UBXN6: variants seen among roughly 807,000 people sequenced by gnomAD.
The protein encoded by UBXN6 is UBX domain protein 6, also known as UBX domain-containing protein 6.
In UBXN6, 44 loss-of-function variants were observed where a neutral mutation model predicts 51.4. The ratio of observed to expected loss-of-function variants is 0.86; its 90% CI spans 0.67 to 1.10. The LOEUF is 1.10. Ranked by LOEUF, UBXN6 falls within the 50% of genes least tolerant of loss-of-function variation. The pLI is 0.00. For missense variants in UBXN6, 672 were observed against 596.1 expected (o/e 1.13, Z -1.32); for synonymous variants, 316 against 263.2 (o/e 1.20, Z -1.94).
rs960721436 is a variant in UBXN6, at chr19:4,446,648, C to G, written c.772G>C (p.Glu258Gln). 2 of 1,612,466 alleles carry G rather than the reference C, an allele frequency of 1.2e-6. No homozygotes were observed. Among genetic ancestry groups the G allele is most frequent in the African/African-American group, 2.7e-5 (2 of 75,062 alleles). The change falls in exon 8 of 11, where the codon GAA (glutamate) becomes CAA (glutamine). Residue 258 changes from glutamate (E) to glutamine (Q), a missense_variant. By Grantham distance (29) the Glu-to-Gln change is conservative (BLOSUM62 2). Transcript: ENST00000301281. ...ACGGGCTCCGCAGCCAGCAGCTGTT[C>G]CTTGTGCCTCTCCAGGCTCTGGGGC... is the stretch of plus-strand genomic sequence containing the variant. ...AQPQSLERHK[E>Q]QLLAAEPVRA...
intron 3 of UBXN6, among the ~76,000 whole-genome samples, chr19:4,453,174 T>TA (rs1168196416): frequency 6.6e-6 from 1 of 152,130 alleles, no homozygotes; most frequent in Non-Finnish European, 1.5e-5. Context: ...TCTTTTTGAA[T>TA]AGTGGAAACT....
intron 5 of UBXN6, chr19:4,447,978 C>T (rs949646646): frequency 2.0e-5 from 10 of 501,480 alleles, no homozygotes; most frequent in East Asian, 7.0e-5. Context: ...GGTGCTCCCT[C>T]GGCGTTGGCG....
In UBXN6 at chr19:4,445,426, T is replaced by C; in HGVS notation, c.*72A>G. The C allele has an allele frequency of 1.9e-6, 3 of 1,598,222 alleles. No homozygotes were observed. The highest frequency in any genetic ancestry group is 2.2e-5 in the South Asian group (2 of 89,782). On this transcript the variant is annotated 3_prime_UTR_variant, in exon 11 of 11. Coordinates refer to ENST00000301281, the MANE Select transcript of UBXN6 (RefSeq NM_025241.3). ...ATTTCCAGAGGTGGCTTGGAGGCCC[T>C]GGGGTGGCGGGGAGAGGAACAGGGA...
chr19:4,453,551 G>A, intron 2 of UBXN6, 29 bp from the exon 3 acceptor site: 6 of 1,610,896 alleles, frequency 3.7e-6, no homozygotes. Context: ...AAGAGAGGCA[G>A]AGACGGGATA....
At position 4,453,978 on chromosome 19, in the gene UBXN6, GCTT is replaced by G. The variant is rs775831354; in HGVS notation, c.196_198del (p.Lys66del). ...GATGTGGGGCCCCAGGCCCGGGACT[GCTT>G]CTGCTCCAGCCGGGCTAGGGCGGCA... On this transcript the variant is annotated inframe_deletion, in exon 2 of 11. Coordinates refer to ENST00000301281, the MANE Select transcript of UBXN6 (RefSeq NM_025241.3). The G allele has an allele frequency of 5.0e-6, 8 of 1,611,254 alleles. No individual in the cohort carries two copies. The East Asian group carries it at 8.9e-5, about 18-fold the overall frequency.
In UBXN6 at chr19:4,457,719, G is replaced by T; in HGVS notation, c.-22C>A. 6.7e-7 allele frequency: 1 copy of T among 1,493,822 alleles called. No individual in the cohort carries two copies. The highest frequency in any genetic ancestry group is 8.9e-7 in the Non-Finnish European group (1 of 1,121,932). 92.5% of individuals were successfully genotyped at this position (1,493,822 alleles called of 1,614,324 possible). On this transcript the variant is annotated 5_prime_UTR_variant, in exon 1 of 11. Transcript: ENST00000301281. ...TCATGGTGGCGGCTGGCCCGGCGGCGGGGGGCCGCGGGGGCGGGGGGGCAC... is the reference window on the plus strand; with the variant it reads ...TCATGGTGGCGGCTGGCCCGGCGGCTGGGGGCCGCGGGGGCGGGGGGGCAC...
chr19:4,457,538 G>A, intron 1 of UBXN6, 77 bp downstream of exon 1: 2 of 1,331,510 alleles, frequency 1.5e-6, no homozygotes, highest in South Asian at 1.3e-5. Flanking sequence ...GATCTCCCGA[G>A]CCGCCCAAGG....
Position 4,446,029 on chromosome 19 carries a change from T to C in UBXN6, c.1200+20A>G, listed in dbSNP as rs757115612. The C allele has an allele frequency of 6.3e-7, 1 of 1,598,718 alleles. No individual in the cohort carries two copies. Among genetic ancestry groups the C allele is most frequent in the Non-Finnish European group, 8.5e-7 (1 of 1,172,248 alleles). ...TGCAGAGGCATCGGGTCAGCGGTGC[T>C]CCTGCGGGCCGACACTCACCAGCCC... is the stretch of plus-strand genomic sequence containing the variant. On this transcript the variant is annotated intron_variant, in intron 10 of 10. Transcript: ENST00000301281.
Position 4,446,153 on chromosome 19 carries a change from C to T in UBXN6, c.1096G>A (p.Val366Ile), listed in dbSNP as rs374021818. The change falls in exon 10 of 11, where the codon GTC becomes ATC. Residue 366 changes from valine to isoleucine, a missense_variant. Coordinates refer to ENST00000301281, the MANE Select transcript of UBXN6 (RefSeq NM_025241.3). Reference sequence around the variant, plus strand: ...CAGTCGCTCTGCAGGGCCTCCCGGACGAACCCGTACACCGCCCCCAGCCGC... The same window carrying T: ...CAGTCGCTCTGCAGGGCCTCCCGGATGAACCCGTACACCGCCCCCAGCCGC... ...RERLGAVYGF[V>I]REALQSDWLP... 2.5e-5 allele frequency: 40 copies of T among 1,610,714 alleles called. No homozygotes were observed. The highest frequency in any genetic ancestry group is 3.3e-5 in the Admixed American group (2 of 59,944).
chr19:4,449,147 G>A (rs1974602895), intron 4 of UBXN6: 1 of 152,866 alleles, frequency 6.5e-6, no homozygotes, highest in South Asian at 2.1e-4. Context: ...GGAAAAGATT[G>A]GGGCACAAAT....
chr19:4,456,157 C>A (rs900819954), intron 1 of UBXN6, among the ~76,000 whole-genome samples: 8 of 151,976 alleles, frequency 5.3e-5, no homozygotes, highest in African/African-American at 1.9e-4. Flanking sequence ...CTGGGCTGAT[C>A]CAGCCATCAC....
Position 4,446,423 on chromosome 19 carries a change from C to T in UBXN6, c.921-10G>A, listed in dbSNP as rs142895800. ...CTCCACCGCCTCGGACCTGCACACG[C>T]GGGCCAGGTCACGAGGGCTGGCCGG... On this transcript the variant is annotated splice_polypyrimidine_tract_variant and intron_variant, in intron 8 of 10. Transcript: ENST00000301281. 1.8e-3 allele frequency: 2,771 copies of T among 1,575,950 alleles called. 9 individuals carry two copies. Among genetic ancestry groups the T allele is most frequent in the Admixed American group, 4.6e-3 (259 of 55,866 alleles).
rs778453571 is a variant in UBXN6 at position 4,446,602 on chromosome 19, T to C, written c.818A>G (p.Gln273Arg). Residue 273 changes from glutamine to arginine, a missense_variant, in exon 8 of 11, where the codon CAG becomes CGG. Transcript: ENST00000301281. Reference sequence around the variant, plus strand: ...GGGCGAGGGCTGGAAGACGCGGCGCTGCCTGTCCAGCTTGGCGCGCACGGG... The same window carrying C: ...GGGCGAGGGCTGGAAGACGCGGCGCCGCCTGTCCAGCTTGGCGCGCACGGG... ...AEPVRAKLDR[Q>R]RRVFQPSPLA... The C allele has an allele frequency of 9.3e-6, 15 of 1,612,578 alleles. No homozygotes were observed. Among genetic ancestry groups the C allele is most frequent in the Non-Finnish European group, 8.5e-7 (1 of 1,179,898 alleles).
intron 4 of UBXN6, among the ~76,000 whole-genome samples, chr19:4,451,500 A>G (rs1191214914): frequency 6.6e-6 from 1 of 151,354 alleles, no homozygotes; most frequent in Non-Finnish European, 1.5e-5. Context: ...CTGCAGGTGC[A>G]CGCCACCATG....
rs780823252 is a variant in UBXN6, at chr19:4,445,675, G to C, written c.1201-52C>G. On this transcript the variant is annotated intron_variant, in intron 10 of 10. Transcript: ENST00000301281. ...GAGACCGAGAGTCGGCCCTTGCCGC[G>C]GCAGGGAACTCAGCGGGCAACCTGG... is the stretch of plus-strand genomic sequence containing the variant. The C allele has an allele frequency of 4.4e-6, 7 of 1,585,638 alleles. No homozygotes were observed. In the South Asian group the frequency reaches 5.5e-5, roughly 13 times the overall value.
At chr19:4,445,717 G>A in intron 10 of UBXN6, 94 bp from the exon 11 acceptor site, 2 of 1,536,322 alleles carry the variant, frequency 1.3e-6, no homozygotes, top group East Asian at 2.3e-5. Context: ...GGATGCCCCG[G>A]CCTGGAAGCC....
intron 1 of UBXN6, among the ~76,000 whole-genome samples, chr19:4,456,941 C>T (rs1002672065): frequency 6.6e-6 from 1 of 152,112 alleles, no homozygotes; most frequent in African/African-American, 2.4e-5. Context: ...TCCCAGGTCA[C>T]TGACGACGCT....
chr19:4,445,324 T>G lies in UBXN6; in HGVS notation c.*174A>C. 5 of 1,106,572 alleles carry G rather than the reference T, an allele frequency of 4.5e-6. No individual in the cohort carries two copies. The highest frequency in any genetic ancestry group is 6.4e-6 in the Non-Finnish European group (5 of 775,818). The allele number at this position is 1,106,572 out of a possible 1,614,324, so 68.5% of individuals were successfully genotyped here. A position where few individuals can be genotyped will look rare whatever the true frequency, so the allele number is the denominator to read the frequency against. On this transcript the variant is annotated 3_prime_UTR_variant, in exon 11 of 11. Transcript: ENST00000301281. ...GCGCATCCCCACAGCCCCCAAGGGATGGGGGCTCTGCCACGGGGCCCAATT... is the reference window on the plus strand; with the variant it reads ...GCGCATCCCCACAGCCCCCAAGGGAGGGGGGCTCTGCCACGGGGCCCAATT...
At chr19:4,453,333 C>G (rs1974686612) in intron 3 of UBXN6, 125 bp downstream of exon 3, 5 of 1,114,726 alleles carry the variant, frequency 4.5e-6, no homozygotes, top group Non-Finnish European at 6.4e-6. Context: ...CCTGTGTCCA[C>G]CTTGCAAGGC....
Sources: allele counts gnomAD v4.1 joint callset (sites outside exome capture counted in the v4.1 genomes callset), GRCh38; gene constraint gnomAD v4.1.1; transcripts MANE v1.5; gene names NCBI Gene and HGNC (gene_info 2026-07-23, HGNC 2026-07-21).